SPAG9: variants seen among roughly 807,000 people sequenced by gnomAD.
The protein encoded by SPAG9 is sperm associated antigen 9.
SPAG9 carries 35 observed loss-of-function variants against 166.5 expected under a neutral mutation model. That is an observed-to-expected ratio of 0.21 (90% CI 0.16 to 0.28). The LOEUF is 0.28. SPAG9 is among the 10% of genes least tolerant of loss of function. The pLI is 1.00. For missense variants in SPAG9, 1,235 were observed against 1,603.3 expected (o/e 0.77, Z 3.92); for synonymous variants, 534 against 565.5 (o/e 0.94, Z 0.79).
intron 8 of SPAG9, 150 bp from the exon 9 acceptor site, chr17:51,014,503 G>T: frequency 1.7e-6 from 1 of 597,030 alleles, no homozygotes; most frequent in Non-Finnish European, 2.7e-6. Flanking sequence ...TTTCTCAAAG[G>T]CTTCCTAAGA....
chr17:50,977,314 A>G, intron 26 of SPAG9, 93 bp from the exon 27 acceptor site: 1 of 750,118 alleles, frequency 1.3e-6, no homozygotes, highest in Non-Finnish European at 2.3e-6. Flanking sequence ...TTACAAAACA[A>G]AAAAAAAAGA....
At chr17:51,049,980 A>G (rs918929911) in intron 3 of SPAG9, among the ~76,000 whole-genome samples, 2 of 152,244 alleles carry the variant, frequency 1.3e-5, no homozygotes, top group Admixed American at 6.5e-5. Context: ...AGTTTCCTTA[A>G]GCATTCAGAT....
intron 9 of SPAG9, chr17:51,007,815 C>A: frequency 2.2e-6 from 1 of 451,988 alleles, no homozygotes. Flanking sequence ...AAGATAGAAC[C>A]CCAAGGCAGA....
At chr17:51,001,573 T>G (rs1266730748) in intron 13 of SPAG9, 142 bp downstream of exon 13, 2 of 734,800 alleles carry the variant, frequency 2.7e-6, no homozygotes, top group Non-Finnish European at 4.1e-6. Context: ...TTGCTAATTC[T>G]GAGTGTTACT....
intron 2 of SPAG9, among the ~76,000 whole-genome samples, chr17:51,069,428 G>A (rs2047759276): frequency 6.6e-6 from 1 of 151,948 alleles, no homozygotes; most frequent in Admixed American, 6.6e-5. Context: ...TAGGTGATTT[G>A]AAAAACAGCG....
chr17:51,079,921 T>C (rs1343510411), intron 1 of SPAG9, among the ~76,000 whole-genome samples: 1 of 152,220 alleles, frequency 6.6e-6, no homozygotes, highest in Non-Finnish European at 1.5e-5. Context: ...TTCCACTTCA[T>C]GTTATAGGCA....
chr17:51,046,778 G>C (rs1055800108), intron 4 of SPAG9: 2 of 1,534,576 alleles, frequency 1.3e-6, no homozygotes, highest in African/African-American at 2.7e-5. Flanking sequence ...AATGCCATCA[G>C]CAGCAGCTTT....
At chr17:51,052,290 T>C (rs1041107129) in intron 3 of SPAG9, among the ~76,000 whole-genome samples, 1 of 152,184 alleles carries the variant, frequency 6.6e-6, no homozygotes, top group Non-Finnish European at 1.5e-5. Context: ...TTCTTTGGCT[T>C]TAGATAGCTA....
In SPAG9 at chr17:50,966,379, C is replaced by T. The variant is rs780201057; in HGVS notation, c.3859G>A (p.Gly1287Ser). Residue 1287 changes from glycine (G) to serine (S), a missense_variant, in exon 30 of 30, where the codon GGT (glycine) becomes AGT (serine). Physicochemically the swap from Gly to Ser is moderately conservative, Grantham distance 56 (BLOSUM62 0). Transcript: ENST00000262013. ...GYIDFRMGDEGGESELLGEDL... is the reference protein window; with the variant it reads ...GYIDFRMGDESGESELLGEDL... The stretch of plus-strand genomic sequence containing the variant: ...TCTCCAAGAAGTTCTGATTCTCCAC[C>T]TTCATCACCTAGTGAATGATAAGAA... The T allele has an allele frequency of 1.9e-6, 3 of 1,594,962 alleles. No homozygotes were observed. Among genetic ancestry groups the T allele is most frequent in the East Asian group, 4.5e-5 (2 of 44,756 alleles).
intron 1 of SPAG9, among the ~76,000 whole-genome samples, chr17:51,099,709 T>C (rs2048746776): frequency 7.0e-6 from 1 of 142,604 alleles, no homozygotes; most frequent in Non-Finnish European, 1.5e-5. Flanking sequence ...CCTGACACTG[T>C]GGTTTTTGCT....
intron 4 of SPAG9, among the ~76,000 whole-genome samples, chr17:51,044,071 A>G (rs2046936850): frequency 6.6e-6 from 1 of 152,204 alleles, no homozygotes; most frequent in African/African-American, 2.4e-5. Flanking sequence ...CTATCTGTCA[A>G]GTGGGTCAAT....
chr17:51,031,453 T>A (rs1485046072), intron 6 of SPAG9: 1 of 543,080 alleles, frequency 1.8e-6, no homozygotes, highest in Non-Finnish European at 3.3e-6. Context: ...TTATATTTTC[T>A]TTCCTTTATT....
At chr17:51,035,684 T>C (rs747802253) in intron 5 of SPAG9, among the ~76,000 whole-genome samples, 6 of 152,338 alleles carry the variant, frequency 3.9e-5, no homozygotes, top group Non-Finnish European at 5.9e-5. Context: ...CAAGAGCTTC[T>C]CACAGCAGTT....
intron 19 of SPAG9, 60 bp downstream of exon 19, chr17:50,993,704 C>A: frequency 6.5e-7 from 1 of 1,536,430 alleles, no homozygotes; most frequent in Non-Finnish European, 9.0e-7. Flanking sequence ...GCTGCTACAT[C>A]AGTGCCCAGC....
At chr17:51,020,908 T>C (rs1347015102) in intron 7 of SPAG9, among the ~76,000 whole-genome samples, 1 of 152,216 alleles carries the variant, frequency 6.6e-6, no homozygotes, top group Admixed American at 6.5e-5. Flanking sequence ...ATGTAAATAA[T>C]TGTCATACTG....
intron 5 of SPAG9, among the ~76,000 whole-genome samples, chr17:51,038,774 T>TAC (rs2046719004): frequency 6.6e-6 from 1 of 152,208 alleles, no homozygotes; most frequent in Non-Finnish European, 1.5e-5. Flanking sequence ...TACCCATCCT[T>TAC]ACTAATTACT....
At chr17:51,076,993 TCTAGCTATCTAGCTAG>T (rs1206054006) in intron 2 of SPAG9, among the ~76,000 whole-genome samples, 1,749 of 82,964 alleles carry the variant, frequency 0.021, 27 homozygotes, top group Middle Eastern at 0.031. Context: ...TATCTAGCTA[TCTAGCTATCTAGCTAG>T]CTAGCTAGCT....
chr17:51,093,363 T>C (rs1383015576), intron 1 of SPAG9, among the ~76,000 whole-genome samples: 2 of 151,842 alleles, frequency 1.3e-5, no homozygotes, highest in Non-Finnish European at 2.9e-5. Context: ...AGTTCACAAC[T>C]GGAAGATAAC....
intron 1 of SPAG9, among the ~76,000 whole-genome samples, chr17:51,114,358 A>G (rs559954334): frequency 3.0e-4 from 45 of 151,766 alleles, no homozygotes; most frequent in African/African-American, 1.0e-3. Flanking sequence ...TGGGCCAGGC[A>G]TGGTGGCTCA....
Sources: gnomAD v4.1 joint callset for allele counts (sites outside exome capture counted in the v4.1 genomes callset) on GRCh38, gnomAD v4.1.1 for gene constraint, MANE v1.5 for transcripts, NCBI Gene and HGNC (gene_info 2026-07-23, HGNC 2026-07-21) for gene names.